The following SLC13A4 variants were observed in gnomAD, a reference collection of about 807,000 sequenced individuals.
SLC13A4 encodes the protein solute carrier family 13 member 4, also known as Na(+)/sulfate cotransporter SUT-1.
In SLC13A4, 28 loss-of-function variants were observed where a neutral mutation model predicts 72.7. The ratio of observed to expected loss-of-function variants is 0.39; its 90% confidence interval spans 0.29 to 0.53. The LOEUF (loss-of-function observed/expected upper bound fraction) is 0.53. SLC13A4 is among the 20% of genes least tolerant of loss of function. The probability of loss-of-function intolerance (pLI) is 0.78; values close to 1 mark genes in which losing one functional copy is unlikely to be tolerated. For missense variants in SLC13A4, 653 were observed against 788.0 expected, an observed-to-expected ratio of 0.83 and a Z score of 2.05; for synonymous variants, 312 against 325.5, an observed-to-expected ratio of 0.96 and a Z score of 0.45.
intron 15 of SLC13A4, chr7:135,683,557 G>A (rs1346355640): frequency 2.5e-5 from 25 of 985,112 alleles, no homozygotes; most frequent in Non-Finnish European, 2.9e-5. Flanking sequence ...TAGGCCCAGT[G>A]CTAAAGTCAG....
intron 8 of SLC13A4, among the ~76,000 whole-genome samples, chr7:135,697,136 C>A (rs1243324079): frequency 6.6e-6 from 1 of 152,224 alleles, no homozygotes; most frequent in Non-Finnish European, 1.5e-5. Flanking sequence ...GACAGCAGAG[C>A]ATTAAACCAA....
chr7:135,697,238 A>G (rs1322487693), intron 8 of SLC13A4, among the ~76,000 whole-genome samples: 1 of 152,238 alleles, frequency 6.6e-6, no homozygotes, highest in Non-Finnish European at 1.5e-5. Flanking sequence ...CTTCAAATCT[A>G]TGCCTTCAGC....
At chr7:135,700,776 C>G (rs1201486626) in intron 7 of SLC13A4, among the ~76,000 whole-genome samples, 1 of 152,144 alleles carries the variant, frequency 6.6e-6, no homozygotes. Flanking sequence ...TCCTGAGTAG[C>G]TGGGACTACA....
intron 15 of SLC13A4, 87 bp from the exon 16 acceptor site, chr7:135,681,787 G>C: frequency 6.5e-7 from 1 of 1,541,586 alleles, no homozygotes; most frequent in Middle Eastern, 2.4e-4. Flanking sequence ...TGCAGCCTAT[G>C]CCTTGTGGCC....
chr7:135,705,508 G>T (rs1796139798), intron 5 of SLC13A4, 88 bp downstream of exon 5: 2 of 1,242,232 alleles, frequency 1.6e-6, no homozygotes, highest in South Asian at 2.6e-5. Flanking sequence ...ACATCTCAAA[G>T]AGCTGTTTAT....
intron 9 of SLC13A4, 67 bp from the exon 10 acceptor site, chr7:135,694,305 G>T: frequency 1.0e-6 from 1 of 981,232 alleles, no homozygotes; most frequent in Non-Finnish European, 1.6e-6. Flanking sequence ...TCAAATATTA[G>T]GTAAATACTA....
Position 135,685,597 on chromosome 7 carries a change from G to A in SLC13A4, c.1533C>T (p.Ile511=), listed in dbSNP as rs778612363. 1 of 1,614,194 alleles carries A rather than the reference G, an allele frequency of 6.2e-7. No individual in the cohort carries two copies. The highest frequency in any genetic ancestry group is 1.3e-5 in the African/African-American group (1 of 75,058). The change falls in exon 14 of 16, where the codon ATC becomes ATT. Residue 511 remains isoleucine, a synonymous_variant. Transcript: ENST00000682651. ...PPWAVTLLAC[I]LVSIVTEFVS... ...CAAACTCAGTGACAATGGACACGAGGATGCATGCCAGCAGGGTGACAGCCC... is the reference window on the plus strand; with the variant it reads ...CAAACTCAGTGACAATGGACACGAGAATGCATGCCAGCAGGGTGACAGCCC...
intron 15 of SLC13A4, 178 bp downstream of exon 15, chr7:135,683,946 T>C (rs748407916): frequency 4.2e-5 from 24 of 572,670 alleles, no homozygotes; most frequent in Non-Finnish European, 5.3e-5. Context: ...CTTGCTATCC[T>C]TGGTGCTTAT....
chr7:135,701,639 T>A, intron 7 of SLC13A4, 41 bp downstream of exon 7: 1 of 1,596,110 alleles, frequency 6.3e-7, no homozygotes, highest in Non-Finnish European at 8.6e-7. Context: ...GTTCACAGCG[T>A]TTCATGTAGG....
At chr7:135,683,671 C>G (rs1197572856) in intron 15 of SLC13A4, 1 of 985,260 alleles carries the variant, frequency 1.0e-6, no homozygotes, top group African/African-American at 1.7e-5. Flanking sequence ...CTTGCCTGGG[C>G]CGGGGTGGAG....
intron 8 of SLC13A4, among the ~76,000 whole-genome samples, chr7:135,698,478 G>A (rs1315446704): frequency 2.0e-5 from 3 of 149,230 alleles, no homozygotes; most frequent in Non-Finnish European, 4.4e-5. Context: ...GGGATTACAG[G>A]CGCCTGCCAC....
Position 135,705,621 on chromosome 7 carries a change from G to A in SLC13A4, c.568C>T (p.Leu190=). 1 of 1,614,154 alleles carries A rather than the reference G, an allele frequency of 6.2e-7. No individual in the cohort carries two copies. The highest frequency in any genetic ancestry group is 8.5e-7 in the Non-Finnish European group (1 of 1,180,006). ...TCTTCATTGACAAAGATGAGTTCCAGAGAAGGTTGGCTGTTCTTTACATCC... is the reference window on the plus strand; with the variant it reads ...TCTTCATTGACAAAGATGAGTTCCAAAGAAGGTTGGCTGTTCTTTACATCC... ...SLDVKNSQPS[L]ELIFVNEDRS... Residue 190 remains leucine, a synonymous_variant, in exon 5 of 16, where the codon CTG becomes TTG. Coordinates refer to ENST00000682651, the MANE Select transcript of SLC13A4 (RefSeq NM_001318192.2).
At chr7:135,722,322 G>GT (rs1454750532) in intron 1 of SLC13A4, among the ~76,000 whole-genome samples, 1 of 152,220 alleles carries the variant, frequency 6.6e-6, no homozygotes, top group Non-Finnish European at 1.5e-5. Flanking sequence ...GTCATCCTGA[G>GT]TTTGACACAT....
Position 135,721,437 on chromosome 7 carries a change from C to G in SLC13A4, c.186G>C (p.Pro62=), listed in dbSNP as rs1027260078. 1.2e-6 allele frequency: 2 copies of G among 1,614,090 alleles called. No individual in the cohort carries two copies. Among genetic ancestry groups the G allele is most frequent in the Non-Finnish European group, 1.7e-6 (2 of 1,179,984 alleles). Residue 62 remains proline (P), a synonymous_variant, in exon 2 of 16, where the codon CCG becomes CCC. Transcript: ENST00000682651. ...CTCCGAAGAACGGGTAAAGGAAGGCCGGCACCAGGGCTGCAGCTCCCAGAG... is the reference window on the plus strand; with the variant it reads ...CTCCGAAGAACGGGTAAAGGAAGGCGGGCACCAGGGCTGCAGCTCCCAGAG... ...AVPLGAAALV[P]AFLYPFFGVL... is the part of the protein sequence containing the mutation.
At chr7:135,727,345 C>T in intron 1 of SLC13A4, 53 bp downstream of exon 1, 2 of 1,536,652 alleles carry the variant, frequency 1.3e-6, no homozygotes, top group African/African-American at 1.4e-5. Flanking sequence ...GACCTCCCCT[C>T]TTTGCCCTCC....
Position 135,699,422 on chromosome 7 carries a change from C to A in SLC13A4, c.841G>T (p.Gly281Cys), listed in dbSNP as rs757537197. The A allele has an allele frequency of 6.2e-7, 1 of 1,612,872 alleles. No homozygotes were observed. The highest frequency in any genetic ancestry group is 8.5e-7 in the Non-Finnish European group (1 of 1,179,550). The part of the protein sequence containing the change: ...LSISYSATIG[G>C]LTTIIGTSTS... ...GAGGTGCCGATGATGGTGGTCAGGC[C>A]GCCAATGGTAGCGGAGTAGGATATG... The change falls in exon 8 of 16, where the codon GGC becomes TGC. Residue 281 changes from glycine to cysteine, a missense_variant. By Grantham distance (159) the Gly-to-Cys change is radical. Coordinates refer to ENST00000682651, the MANE Select transcript of SLC13A4 (RefSeq NM_001318192.2).
intron 3 of SLC13A4, 74 bp downstream of exon 3, chr7:135,708,040 T>C: frequency 6.4e-7 from 1 of 1,559,356 alleles, no homozygotes. Context: ...CGCAGTGACC[T>C]GAGACCACTG....
intron 2 of SLC13A4, among the ~76,000 whole-genome samples, chr7:135,713,129 C>A (rs1164969418): frequency 1.3e-5 from 2 of 152,178 alleles, no homozygotes; most frequent in Non-Finnish European, 2.9e-5. Flanking sequence ...GACTCACATC[C>A]TGTGAGCTGG....
chr7:135,702,931 C>G (rs1479431735), intron 5 of SLC13A4, 47 bp from the exon 6 acceptor site: 1 of 1,463,550 alleles, frequency 6.8e-7, no homozygotes, highest in Admixed American at 1.7e-5. Context: ...GAGGCCGACT[C>G]TTGGGAGGGG....
Sources: gnomAD v4.1 joint callset for allele counts (sites outside exome capture counted in the v4.1 genomes callset) on GRCh38, gnomAD v4.1.1 for gene constraint, MANE v1.5 for transcripts, NCBI Gene and HGNC (gene_info 2026-07-23, HGNC 2026-07-21) for gene names.